Variants in MBD5 observed in about 807,000 individuals in gnomAD.
MBD5 encodes the protein methyl-CpG binding domain protein 5.
In MBD5, 13 loss-of-function variants were observed where a neutral mutation model predicts 117.3. The ratio of observed to expected loss-of-function variants is 0.11; its 90% confidence interval spans 0.07 to 0.18. The LOEUF is 0.18. Among genes scored for constraint, MBD5 ranks in the 10% least tolerant of loss-of-function variants. The probability of loss-of-function intolerance (pLI) is 1.00; values close to 1 mark genes in which losing one functional copy is unlikely to be tolerated. For synonymous variants in MBD5, 727 were observed against 766.4 expected (o/e 0.95, Z 0.85); for missense variants, 1,879 against 2,093.8 (o/e 0.90, Z 2.00).
In MBD5 at chr2:148,513,019, C is replaced by A. The variant is rs1682264688; in HGVS notation, c.*78C>A. 1.5e-6 allele frequency: 2 copies of A among 1,299,200 alleles called. No individual in the cohort carries two copies. The highest frequency in any genetic ancestry group is 2.2e-6 in the Non-Finnish European group (2 of 896,384). 80.5% of individuals were successfully genotyped at this position (1,299,200 alleles called of 1,614,324 possible). On this transcript the variant is annotated 3_prime_UTR_variant, in exon 14 of 14. Transcript: ENST00000642680. ...TATCTGTATATAGGTATTGATATAG[C>A]CACAGTTATATCAATATTTAGACTA...
chr2:148,322,154 A>G (rs1702298515), intron 3 of MBD5, among the ~76,000 whole-genome samples: 1 of 152,214 alleles, frequency 6.6e-6, no homozygotes. Context: ...TCTACAGTGT[A>G]AAGTGATATG....
chr2:148,140,827 G>A (rs1001324426), intron 1 of MBD5, among the ~76,000 whole-genome samples: 1 of 151,580 alleles, frequency 6.6e-6, no homozygotes, highest in Admixed American at 6.6e-5. Context: ...AGGCAGTGGT[G>A]TGATCTTGGC....
chr2:148,095,115 C>G lies in MBD5; in HGVS notation c.-925+73431C>G, dbSNP rs180953006. ...TAAATATAGTTAAAAGATTGACATT[C>G]CCAGCATATGCCTAATCACTTGGAA... On this transcript the variant is annotated intron_variant, in intron 1 of 13. Transcript: ENST00000642680. 5.5e-3 allele frequency among the ~76,000 whole-genome samples: 842 copies of G among 152,244 alleles called. 3 individuals are homozygous for G. Among genetic ancestry groups the G allele is most frequent in the Non-Finnish European group, 9.6e-3 (655 of 67,990 alleles).
chr2:148,093,308 C>T lies in MBD5; in HGVS notation c.-925+71624C>T, dbSNP rs998684598. 2.0e-5 allele frequency among the ~76,000 whole-genome samples: 3 copies of T among 152,202 alleles called. No homozygotes were observed. The East Asian group carries it at 5.8e-4, about 29-fold the overall frequency. On this transcript the variant is annotated intron_variant, in intron 1 of 13. Coordinates refer to ENST00000642680, the MANE Select transcript of MBD5 (RefSeq NM_001378120.1). ...GAGGCTATGCACTATGTCATTAATG[C>T]TGCTTTGCTTAAACACTGGAAACTC...
intron 12 of MBD5, 133 bp downstream of exon 12, chr2:148,502,642 G>A: frequency 2.4e-6 from 2 of 841,436 alleles, no homozygotes; most frequent in East Asian, 2.6e-5. Context: ...TACCACCAAA[G>A]AGGACCATTA....
In MBD5 at chr2:148,427,053, A is replaced by G. The variant is rs529305024; in HGVS notation, c.-556-31150A>G. Among the ~76,000 whole-genome samples, 1,489 of 152,250 alleles carry G rather than the reference A, an allele frequency of 9.8e-3. 10 individuals are homozygous for G. Among genetic ancestry groups the G allele is most frequent in the Non-Finnish European group, 0.015 (1,010 of 68,010 alleles). On this transcript the variant is annotated intron_variant, in intron 4 of 13. Transcript: ENST00000642680. ...GCAGCCAAAAAACACATGAAAAAATACTCATCATCACTGGCCATCAGAGAA... is the reference window on the plus strand; with the variant it reads ...GCAGCCAAAAAACACATGAAAAAATGCTCATCATCACTGGCCATCAGAGAA...
intron 1 of MBD5, chr2:148,062,446 T>C (rs1695063165): frequency 6.6e-6 from 1 of 151,966 alleles, no homozygotes; most frequent in Non-Finnish European, 1.5e-5. Flanking sequence ...TTTTAAAATG[T>C]GTGTAATTTT....
intron 1 of MBD5, among the ~76,000 whole-genome samples, chr2:148,090,501 G>A (rs1301477301): frequency 6.6e-6 from 1 of 152,076 alleles, no homozygotes; most frequent in Non-Finnish European, 1.5e-5. Flanking sequence ...CCATGATAAA[G>A]TGGGGTTTCA....
At chr2:148,388,359 A>T (rs138932949) in intron 4 of MBD5, among the ~76,000 whole-genome samples, 1 of 152,326 alleles carries the variant, frequency 6.6e-6, no homozygotes, top group African/African-American at 2.4e-5. Context: ...ACGATTACAA[A>T]TGTTACTTTT....
chr2:148,335,613 A>G (rs1702766331), intron 3 of MBD5, among the ~76,000 whole-genome samples: 1 of 151,986 alleles, frequency 6.6e-6, no homozygotes, highest in Non-Finnish European at 1.5e-5. Context: ...ATGGCTACTC[A>G]GGAGCCTGAA....
chr2:148,484,186 T>C lies in MBD5; in HGVS notation c.3544+51T>C, dbSNP rs146657430. On this transcript the variant is annotated intron_variant, in intron 9 of 13. Transcript: ENST00000642680. ...TTTACAAAAGAAACGTTTTTCTAAT[T>C]CTATTTTCTCCTTTTTAAAAACTCC... is the stretch of plus-strand genomic sequence containing the variant. The C allele has an allele frequency of 6.4e-4, 868 of 1,362,442 alleles. 3 individuals carry two copies. In the African/African-American group the frequency reaches 0.012, roughly 18 times the overall value. 84.4% of individuals were successfully genotyped at this position (1,362,442 alleles called of 1,614,324 possible).
chr2:148,489,738 T>C lies in MBD5; in HGVS notation c.4106T>C (p.Leu1369Pro), dbSNP rs1406103855. 2 of 1,613,972 alleles carry C rather than the reference T, an allele frequency of 1.2e-6. No individual in the cohort carries two copies. The highest frequency in any genetic ancestry group is 1.7e-5 in the Admixed American group (1 of 59,994). Residue 1369 changes from leucine to proline, a missense_variant, in exon 11 of 14, where the codon CTC (leucine) becomes CCC (proline). Coordinates refer to ENST00000642680, the MANE Select transcript of MBD5 (RefSeq NM_001378120.1). ...GCCTCAATTGGTGACCCATTAAATC[T>C]CTCCAGTGCTGTCAGTGCGGTCATT... ...FTASIGDPLNLSSAVSAVIHG... is the reference protein window; with the variant it reads ...FTASIGDPLNPSSAVSAVIHG...
chr2:148,182,157 T>TA, intron 2 of MBD5, among the ~76,000 whole-genome samples: 1 of 152,086 alleles, frequency 6.6e-6, no homozygotes, highest in East Asian at 1.9e-4. Flanking sequence ...AATTAATACT[T>TA]ACAAAATGTT....
intron 4 of MBD5, among the ~76,000 whole-genome samples, chr2:148,382,351 A>T (rs1438603887): frequency 6.6e-6 from 1 of 152,216 alleles, no homozygotes; most frequent in African/African-American, 2.4e-5. Context: ...ATCAAAAGAG[A>T]CAAAGAAGAC....
At chr2:148,164,391 G>A (rs1207134871) in intron 1 of MBD5, among the ~76,000 whole-genome samples, 1 of 152,032 alleles carries the variant, frequency 6.6e-6, no homozygotes, top group African/African-American at 2.4e-5. Flanking sequence ...TGTCTTGGTG[G>A]GGGTAGGGTC....
At chr2:148,310,674 C>G (rs149578439) in intron 3 of MBD5, among the ~76,000 whole-genome samples, 2 of 152,032 alleles carry the variant, frequency 1.3e-5, no homozygotes, top group East Asian at 3.9e-4. Context: ...TTAGTTATTT[C>G]TTGTCTTCTG....
intron 3 of MBD5, among the ~76,000 whole-genome samples, chr2:148,305,394 A>G (rs923286314): frequency 1.3e-5 from 2 of 152,216 alleles, no homozygotes; most frequent in Non-Finnish European, 1.5e-5. Context: ...CAGGCATTTA[A>G]TGAGTGGCAT....
At chr2:148,030,545 A>G (rs115890190) in intron 1 of MBD5, among the ~76,000 whole-genome samples, 2,988 of 152,310 alleles carry the variant, frequency 0.02, 48 homozygotes, top group African/African-American at 0.045. Flanking sequence ...GACATAAAGT[A>G]TATGCCATAT....
intron 4 of MBD5, among the ~76,000 whole-genome samples, chr2:148,449,207 T>C (rs1706654125): frequency 6.6e-6 from 1 of 152,124 alleles, no homozygotes; most frequent in South Asian, 2.1e-4. Context: ...AATTGTTCAC[T>C]TTTTTGGCTT....
Sources: gnomAD v4.1 joint callset for allele counts (sites outside exome capture counted in the v4.1 genomes callset) on GRCh38, gnomAD v4.1.1 for gene constraint, MANE v1.5 for transcripts, NCBI Gene and HGNC (gene_info 2026-07-23, HGNC 2026-07-21) for gene names.